The following MAGI2 variants were observed in gnomAD, a reference collection of about 807,000 sequenced individuals.
MAGI2 encodes membrane-associated guanylate kinase, WW and PDZ domain-containing protein 2.
A neutral mutation model predicts 133.3 loss-of-function variants in MAGI2; 35 were observed. The ratio of observed to expected loss-of-function variants is 0.26; its 90% CI spans 0.20 to 0.35. MAGI2 has a LOEUF of 0.35. MAGI2 is among the 10% of genes least tolerant of loss of function. The probability of loss-of-function intolerance (pLI) is 1.00; values close to 1 mark genes in which losing one functional copy is unlikely to be tolerated. For synonymous variants in MAGI2, 729 were observed against 710.6 expected (o/e 1.03, Z -0.41); for missense variants, 1,636 against 1,863.4 (o/e 0.88, Z 2.25).
At chr7:78,248,979 GAAGT>G (rs1792090600) in intron 10 of MAGI2, among the ~76,000 whole-genome samples, 1 of 151,466 alleles carries the variant, frequency 6.6e-6, no homozygotes, top group South Asian at 2.1e-4. Flanking sequence ...CATCTGACAA[GAAGT>G]TAATATCCAA....
intron 3 of MAGI2, among the ~76,000 whole-genome samples, chr7:78,579,561 A>G (rs1160068259): frequency 6.6e-6 from 1 of 152,202 alleles, no homozygotes; most frequent in East Asian, 1.9e-4. Flanking sequence ...TACCAGAGGA[A>G]TCTGCGTTAA....
At position 79,191,402 on chromosome 7, in the gene MAGI2, C is replaced by CTTTTTTTTTTTTTTTTTTTTTTTTT. The variant is rs71095386; in HGVS notation, c.302-184221_302-184197dup. 3.8e-3 allele frequency among the ~76,000 whole-genome samples: 84 copies of CTTTTTTTTTTTTTTTTTTTTTTTTT among 22,360 alleles called. 9 individuals are homozygous for CTTTTTTTTTTTTTTTTTTTTTTTTT. Among genetic ancestry groups the CTTTTTTTTTTTTTTTTTTTTTTTTT allele is most frequent in the Non-Finnish European group, 5.0e-3 (53 of 10,658 alleles). 14.7% of individuals were successfully genotyped at this position (22,360 alleles called of 152,430 possible). On this transcript the variant is annotated intron_variant, in intron 1 of 21. Transcript: ENST00000354212. ...TCTTTTTTTCTTTTTCTTTTTCTTTCTTTTTTTTTTTTTTTTTTTTTTTTT... is the reference window on the plus strand; with the variant it reads ...TCTTTTTTTCTTTTTCTTTTTCTTTCTTTTTTTTTTTTTTTTTTTTTTTTTTTTTTTTTTTTTTTTTTTTTTTTTT...
rs1016676490 is a variant in MAGI2, at chr7:78,230,660, G to A, written c.2047+25283C>T. Among the ~76,000 whole-genome samples, 101 of 152,132 alleles carry A rather than the reference G, an allele frequency of 6.6e-4. 1 individual carries two copies. The highest frequency in any genetic ancestry group is 6.5e-4 in the Admixed American group (10 of 15,280). ...TCCTTATTTATTGAGACTTTGAGGG[G>A]CAGCTTGGGTAATTAATTCTTCTGA... On this transcript the variant is annotated intron_variant, in intron 10 of 21. Transcript: ENST00000354212.
intron 9 of MAGI2, among the ~76,000 whole-genome samples, chr7:78,307,407 G>A (rs1798330403): frequency 6.6e-6 from 1 of 152,134 alleles, no homozygotes; most frequent in Admixed American, 6.5e-5. Context: ...GTCTTTGCCA[G>A]GTAGTGATAG....
chr7:78,781,846 T>C (rs774016209), intron 2 of MAGI2, among the ~76,000 whole-genome samples: 16 of 152,094 alleles, frequency 1.1e-4, no homozygotes, highest in Admixed American at 3.9e-4. Context: ...CTGTAAGAAA[T>C]TGGGTATTAA....
chr7:79,281,067 T>A (rs1465220826), intron 1 of MAGI2, among the ~76,000 whole-genome samples: 1 of 148,638 alleles, frequency 6.7e-6, no homozygotes, highest in Non-Finnish European at 1.5e-5. Flanking sequence ...TTGGGAGTCA[T>A]CCACATAAAC....
intron 10 of MAGI2, among the ~76,000 whole-genome samples, chr7:78,213,728 C>T (rs981026477): frequency 2.0e-5 from 3 of 152,316 alleles, no homozygotes; most frequent in Middle Eastern, 3.4e-3. Flanking sequence ...TTGTAGGTTA[C>T]TTTGCTTCTG....
At chr7:78,944,099 C>A (rs1379087664) in intron 2 of MAGI2, among the ~76,000 whole-genome samples, 1 of 152,138 alleles carries the variant, frequency 6.6e-6, no homozygotes, top group Non-Finnish European at 1.5e-5. Flanking sequence ...GAATAAACAG[C>A]ATTAGCCTAT....
intron 2 of MAGI2, among the ~76,000 whole-genome samples, chr7:78,681,106 G>C (rs769864751): frequency 2.0e-5 from 3 of 151,964 alleles, no homozygotes; most frequent in Non-Finnish European, 4.4e-5. Flanking sequence ...AGACTCCCCC[G>C]ACAAGATGCT....
At chr7:79,417,924 CAA>C (rs1846654605) in intron 1 of MAGI2, among the ~76,000 whole-genome samples, 1 of 151,934 alleles carries the variant, frequency 6.6e-6, no homozygotes, top group Admixed American at 6.6e-5. Flanking sequence ...TTCTAGGTAG[CAA>C]AGTTACTTAG....
intron 10 of MAGI2, among the ~76,000 whole-genome samples, chr7:78,215,850 C>G (rs1301759460): frequency 2.0e-5 from 3 of 152,186 alleles, no homozygotes; most frequent in South Asian, 4.1e-4. Context: ...TAAAAATGCA[C>G]AGATGTAAAG....
intron 1 of MAGI2, among the ~76,000 whole-genome samples, chr7:79,193,154 C>T (rs370735038): frequency 6.6e-6 from 1 of 151,894 alleles, no homozygotes; most frequent in African/African-American, 2.4e-5. Context: ...TCCATAAGGA[C>T]CAGAACTTGC....
At chr7:79,443,608 A>G (rs1017062960) in intron 1 of MAGI2, among the ~76,000 whole-genome samples, 4 of 152,118 alleles carry the variant, frequency 2.6e-5, no homozygotes, top group African/African-American at 9.7e-5. Flanking sequence ...ATAAGCAAAA[A>G]TACTCACTTG....
chr7:78,148,545 G>C (rs1823544545), intron 16 of MAGI2, among the ~76,000 whole-genome samples: 1 of 152,094 alleles, frequency 6.6e-6, no homozygotes, highest in Admixed American at 6.6e-5. Context: ...GAAATAAATA[G>C]AGATAAGTAA....
chr7:78,907,523 G>A (rs1798075686), intron 2 of MAGI2, among the ~76,000 whole-genome samples: 1 of 152,076 alleles, frequency 6.6e-6, no homozygotes, highest in Non-Finnish European at 1.5e-5. Context: ...CAACATAGTA[G>A]CTAAAATTCA....
chr7:78,610,672 A>G (rs1164854996), intron 3 of MAGI2, among the ~76,000 whole-genome samples: 3 of 152,210 alleles, frequency 2.0e-5, no homozygotes, highest in Non-Finnish European at 2.9e-5. Context: ...GGTAGGCAGT[A>G]TATTTTCCAA....
intron 1 of MAGI2, among the ~76,000 whole-genome samples, chr7:79,288,857 A>G (rs1836242108): frequency 6.6e-6 from 1 of 152,196 alleles, no homozygotes; most frequent in Non-Finnish European, 1.5e-5. Flanking sequence ...CATAAAATAG[A>G]CATACAATGA....
chr7:78,432,314 C>T (rs1005832344), intron 6 of MAGI2, among the ~76,000 whole-genome samples: 4 of 151,860 alleles, frequency 2.6e-5, no homozygotes, highest in African/African-American at 7.3e-5. Context: ...GTTATTAACT[C>T]CTCTGATATT....
rs1821076572 is a variant in MAGI2, at chr7:78,127,224, G to A, written c.3396C>T (p.Tyr1132=). 1 of 1,601,114 alleles carries A rather than the reference G, an allele frequency of 6.2e-7. No homozygotes were observed. The highest frequency in any genetic ancestry group is 1.7e-5 in the Admixed American group (1 of 58,142). Residue 1132 remains tyrosine, a synonymous_variant, in exon 19 of 22, where the codon TAC becomes TAT. Transcript: ENST00000354212. ...YRQHSPDTRQ[Y]PLSDYRQPQD... Reference sequence around the variant, plus strand: ...GGGGTTGTCTGTAGTCCGACAGAGGGTACTGCCTGGTGTCGGGGGAGTGCT... The same window carrying A: ...GGGGTTGTCTGTAGTCCGACAGAGGATACTGCCTGGTGTCGGGGGAGTGCT...
Sources: allele counts gnomAD v4.1 joint callset (sites outside exome capture counted in the v4.1 genomes callset), GRCh38; gene constraint gnomAD v4.1.1; transcripts MANE v1.5; gene names NCBI Gene and HGNC (gene_info 2026-07-23, HGNC 2026-07-21).